Variants in ADCY2 observed in about 807,000 individuals in gnomAD.
The protein encoded by ADCY2 is adenylate cyclase 2.
Under a neutral mutation model 125.2 loss-of-function variants are expected in ADCY2, and 31 were observed. The ratio of observed to expected loss-of-function variants is 0.25; its 90% CI spans 0.19 to 0.33. The LOEUF is 0.33. ADCY2 is among the 10% of genes least tolerant of loss of function. The pLI, the probability that ADCY2 is intolerant of heterozygous loss-of-function variation, is 1.00. For synonymous variants in ADCY2, 512 were observed against 548.4 expected (o/e 0.93, Z 0.93); for missense variants, 904 against 1,418.2 (o/e 0.64, Z 5.82).
intron 3 of ADCY2, among the ~76,000 whole-genome samples, chr5:7,544,208 C>T (rs990461891): frequency 1.3e-5 from 2 of 152,068 alleles, no homozygotes; most frequent in African/African-American, 2.4e-5. Context: ...TATTGAGGAC[C>T]AGCTGAGGCC....
At chr5:7,482,767 G>GATATATATAT (rs140354609) in intron 2 of ADCY2, among the ~76,000 whole-genome samples, 7,402 of 118,458 alleles carry the variant, frequency 0.062, 275 homozygotes, top group Non-Finnish European at 0.083. Context: ...AAGAAAATGT[G>GATATATATAT]ATATATATAT....
intron 9 of ADCY2, chr5:7,708,172 G>A (rs1400217362): frequency 1.1e-5 from 2 of 182,038 alleles, no homozygotes; most frequent in Non-Finnish European, 1.1e-5. Context: ...CTGTCAGTTG[G>A]GAAATTAAAT....
rs150944780 is a variant in ADCY2 at position 7,725,929 on chromosome 5, T to C, written c.1774-1235T>C. Among the ~76,000 whole-genome samples, 547 of 152,302 alleles carry C rather than the reference T, an allele frequency of 3.6e-3. 3 individuals carry two copies. Among genetic ancestry groups the C allele is most frequent in the African/African-American group, 0.013 (520 of 41,574 alleles). ...TACACATATTTGCAGATGCCGACTT[T>C]AAAGCAAATTTTAGAGAGCAGCAAG... On this transcript the variant is annotated intron_variant, in intron 13 of 24. Coordinates refer to ENST00000338316, the MANE Select transcript of ADCY2 (RefSeq NM_020546.3).
At chr5:7,632,614 A>G (rs1043885954) in intron 4 of ADCY2, among the ~76,000 whole-genome samples, 2 of 152,190 alleles carry the variant, frequency 1.3e-5, no homozygotes, top group African/African-American at 2.4e-5. Flanking sequence ...GAGATGTTAT[A>G]AAAGGTTCTC....
chr5:7,671,605 C>T (rs989225681), intron 4 of ADCY2, among the ~76,000 whole-genome samples: 1 of 152,058 alleles, frequency 6.6e-6, no homozygotes, highest in African/African-American at 2.4e-5. Context: ...CTAATTGTAA[C>T]TCTTACTTGG....
At chr5:7,820,724 A>G (rs763699253) in intron 24 of ADCY2, 35 bp downstream of exon 24, 17 of 1,598,936 alleles carry the variant, frequency 1.1e-5, no homozygotes, top group Non-Finnish European at 1.5e-5. Context: ...GCCTGCATCA[A>G]CCATGTCTGT....
At chr5:7,403,786 T>A (rs555565987) in intron 1 of ADCY2, among the ~76,000 whole-genome samples, 144 of 152,356 alleles carry the variant, frequency 9.5e-4, no homozygotes, top group African/African-American at 3.2e-3. Context: ...ACCTATTTTT[T>A]CCTTGTGGAG....
chr5:7,755,555 G>GT (rs1236748386), intron 15 of ADCY2, among the ~76,000 whole-genome samples: 1 of 152,200 alleles, frequency 6.6e-6, no homozygotes, highest in Non-Finnish European at 1.5e-5. Context: ...GCTAACACTT[G>GT]TAAGTCCTGT....
chr5:7,771,718 G>A (rs954711284), intron 17 of ADCY2, among the ~76,000 whole-genome samples: 1 of 152,184 alleles, frequency 6.6e-6, no homozygotes, highest in Non-Finnish European at 1.5e-5. Context: ...ATAGGTTAAT[G>A]TAGATGGCTT....
At chr5:7,806,673 G>A (rs932732836) in intron 22 of ADCY2, among the ~76,000 whole-genome samples, 2 of 152,140 alleles carry the variant, frequency 1.3e-5, no homozygotes, top group African/African-American at 2.4e-5. Flanking sequence ...CACCAGTTCC[G>A]TTGGATCGGA....
At chr5:7,428,090 C>CAG (rs1196524768) in intron 2 of ADCY2, among the ~76,000 whole-genome samples, 1 of 152,186 alleles carries the variant, frequency 6.6e-6, no homozygotes, top group African/African-American at 2.4e-5. Context: ...TGCTATCATG[C>CAG]AGAGGGCAGG....
Position 7,709,125 on chromosome 5 carries a change from G to T in ADCY2, c.1402-86G>T. 7.6e-7 allele frequency: 1 copy of T among 1,322,558 alleles called. No homozygotes were observed. Among genetic ancestry groups the T allele is most frequent in the South Asian group, 2.0e-5 (1 of 49,888 alleles). 81.9% of individuals were successfully genotyped at this position (1,322,558 alleles called of 1,614,324 possible). On this transcript the variant is annotated intron_variant, in intron 9 of 24. Coordinates refer to ENST00000338316, the MANE Select transcript of ADCY2 (RefSeq NM_020546.3). The surrounding 1 kb of genome is among the most constrained non-coding windows in gnomAD (Gnocchi z 4.4). ...CGAATAGAGGGCTGTCAGGAGGAAT[G>T]ACCCTAGTCCAATGAGGTCGATGCC... is the stretch of plus-strand genomic sequence containing the variant.
intron 3 of ADCY2, among the ~76,000 whole-genome samples, chr5:7,546,486 G>A (rs1735151871): frequency 6.6e-6 from 1 of 152,174 alleles, no homozygotes; most frequent in Admixed American, 6.5e-5. Flanking sequence ...CACACAGTGT[G>A]GAAGTGGCAG....
At chr5:7,537,473 C>T (rs1484592660) in intron 3 of ADCY2, among the ~76,000 whole-genome samples, 1 of 152,180 alleles carries the variant, frequency 6.6e-6, no homozygotes, top group Non-Finnish European at 1.5e-5. Flanking sequence ...TGGAGACCCA[C>T]TTGTCGCCTC....
intron 3 of ADCY2, among the ~76,000 whole-genome samples, chr5:7,618,991 A>G (rs1737858119): frequency 6.6e-6 from 1 of 152,234 alleles, no homozygotes; most frequent in Non-Finnish European, 1.5e-5. Context: ...CACAGAGACC[A>G]GCATTTTTAG....
intron 1 of ADCY2, among the ~76,000 whole-genome samples, chr5:7,406,264 G>A (rs889351708): frequency 6.6e-6 from 1 of 152,156 alleles, no homozygotes; most frequent in African/African-American, 2.4e-5. Context: ...GGATCTCTAA[G>A]GGAAGGGCAC....
intron 12 of ADCY2, among the ~76,000 whole-genome samples, chr5:7,723,303 T>G (rs1226110902): frequency 6.6e-6 from 1 of 152,094 alleles, no homozygotes; most frequent in Non-Finnish European, 1.5e-5. Context: ...TAAAAAGAAG[T>G]ATTTTTATTT....
chr5:7,459,962 A>G (rs1741858098), intron 2 of ADCY2, among the ~76,000 whole-genome samples: 1 of 150,566 alleles, frequency 6.6e-6, no homozygotes, highest in Non-Finnish European at 1.5e-5. Context: ...AATTTTTTGT[A>G]TTTTTAGTAG....
intron 10 of ADCY2, 71 bp from the exon 11 acceptor site, chr5:7,712,785 C>T (rs961326010): frequency 9.7e-7 from 1 of 1,035,062 alleles, no homozygotes; most frequent in Non-Finnish European, 1.5e-6. Flanking sequence ...AAATATGTTT[C>T]ACCTAATTAT....
Sources: gnomAD v4.1 joint callset for allele counts (sites outside exome capture counted in the v4.1 genomes callset) on GRCh38, gnomAD v4.1.1 for gene constraint, Gnocchi (gnomAD v3.1) non-coding constraint, MANE v1.5 for transcripts, NCBI Gene and HGNC (gene_info 2026-07-23, HGNC 2026-07-21) for gene names.